Variants in MROH1 observed in about 807,000 individuals in gnomAD.
MROH1 encodes the protein maestro heat-like repeat-containing protein family member 1.
Under a neutral mutation model 116.5 loss-of-function variants are expected in MROH1, and 117 were observed. The ratio of observed to expected loss-of-function variants is 1.00; its 90% CI spans 0.86 to 1.17. The LOEUF (loss-of-function observed/expected upper bound fraction) is 1.17, where lower values mean the gene tolerates loss of function less well. MROH1 is among the 50% of genes most tolerant of loss of function. The probability of loss-of-function intolerance (pLI) is 0.00; values close to 1 mark genes in which losing one functional copy is unlikely to be tolerated. For missense variants in MROH1, 1,873 were observed against 1,338.5 expected, an observed-to-expected ratio of 1.40 and a Z score of -6.23; for synonymous variants, 921 against 583.9, an observed-to-expected ratio of 1.58 and a Z score of -8.32.
intron 11 of MROH1, among the ~76,000 whole-genome samples, chr8:144,199,828 G>A (rs544048315): frequency 1.3e-5 from 2 of 152,306 alleles, no homozygotes; most frequent in South Asian, 2.1e-4. Context: ...CACAAGATCC[G>A]CAGGAGGGGT....
intron 32 of MROH1, 69 bp downstream of exon 32, chr8:144,249,098 G>A: frequency 1.4e-6 from 1 of 704,788 alleles, no homozygotes. Flanking sequence ...GACGGGCAGG[G>A]CAGGAGTGGG....
chr8:144,177,553 G>A (rs1342941313), intron 4 of MROH1, among the ~76,000 whole-genome samples: 4 of 152,162 alleles, frequency 2.6e-5, no homozygotes, highest in Non-Finnish European at 5.9e-5. Flanking sequence ...CTGCCGTGGC[G>A]GCCATAGCTG....
intron 12 of MROH1, among the ~76,000 whole-genome samples, chr8:144,206,905 C>T (rs911021725): frequency 3.0e-4 from 46 of 151,260 alleles, no homozygotes; most frequent in Non-Finnish European, 5.9e-5. Context: ...TGGTGGCACA[C>T]GCCTGTAGTT....
intron 4 of MROH1, among the ~76,000 whole-genome samples, chr8:144,177,385 C>A (rs1001758797): frequency 1.3e-5 from 2 of 152,200 alleles, no homozygotes; most frequent in Non-Finnish European, 2.9e-5. Flanking sequence ...GTGTCAACTT[C>A]AAATAGTTTC....
intron 1 of MROH1, among the ~76,000 whole-genome samples, chr8:144,154,378 T>G (rs1336875459): frequency 6.6e-6 from 1 of 152,176 alleles, no homozygotes; most frequent in Non-Finnish European, 1.5e-5. Context: ...GTCATGGCTT[T>G]CTTCTGCTTC....
chr8:144,234,498 G>GGTTTTTTTTTTTTTTTTTTTT (rs1839618125), intron 14 of MROH1, among the ~76,000 whole-genome samples: 1 of 18,090 alleles, frequency 5.5e-5, no homozygotes, highest in Admixed American at 8.2e-4. Flanking sequence ...TTTCTTTTTC[G>GGTTTTTTTTTTTTTTTTTTTT]TTTTTTTTTT....
At chr8:144,232,167 T>C (rs1554823090) in intron 14 of MROH1, among the ~76,000 whole-genome samples, 1 of 152,156 alleles carries the variant, frequency 6.6e-6, no homozygotes, top group African/African-American at 2.4e-5. Context: ...AATATATATT[T>C]GTACCCATTA....
At chr8:144,156,305 C>T (rs907129430) in intron 1 of MROH1, among the ~76,000 whole-genome samples, 17 of 151,158 alleles carry the variant, frequency 1.1e-4, no homozygotes, top group Non-Finnish European at 2.4e-4. Flanking sequence ...AGGTAGTTCC[C>T]TTCTCTTCTT....
At chr8:144,206,586 CTA>C in intron 12 of MROH1, among the ~76,000 whole-genome samples, 1 of 151,752 alleles carries the variant, frequency 6.6e-6, no homozygotes, top group Non-Finnish European at 1.5e-5. Context: ...CCACACCCGG[CTA>C]ATTTTTGTAT....
At chr8:144,184,910 C>T (rs1193833296) in intron 7 of MROH1, among the ~76,000 whole-genome samples, 5 of 152,160 alleles carry the variant, frequency 3.3e-5, no homozygotes, top group Admixed American at 6.5e-5. Flanking sequence ...GGCAGAAGGA[C>T]GCTATGGGGC....
intron 4 of MROH1, chr8:144,175,348 T>TC (rs879836342): frequency 5.4e-5 from 17 of 315,466 alleles, no homozygotes; most frequent in South Asian, 1.3e-4. Flanking sequence ...GAGCTGCCCC[T>TC]CCCCCCCTCC....
In MROH1 at chr8:144,239,437, G is replaced by A. The variant is rs910883438; in HGVS notation, c.1632+74G>A. 98 of 778,968 alleles carry A rather than the reference G, an allele frequency of 1.3e-4. No homozygotes were observed. In the African/African-American group the frequency reaches 1.4e-3, roughly 11 times the overall value. 48.3% of individuals were successfully genotyped at this position (778,968 alleles called of 1,614,324 possible). A position where few individuals can be genotyped will look rare whatever the true frequency, so the allele number is the denominator to read the frequency against. On this transcript the variant is annotated intron_variant, in intron 17 of 43. Coordinates refer to ENST00000326134, the MANE Select transcript of MROH1 (RefSeq NM_032450.3). ...TGTGCTCCACCCAGGCTTGGAAGGG[G>A]TTACCTTCTCAGTGGGCAGCCGCGG...
At chr8:144,166,132 G>A (rs1313341448) in intron 3 of MROH1, among the ~76,000 whole-genome samples, 1 of 152,088 alleles carries the variant, frequency 6.6e-6, no homozygotes. Flanking sequence ...ACCCACCTTG[G>A]TCTCCCAAAG....
chr8:144,254,726 G>C (rs1843397115), intron 33 of MROH1, 87 bp from the exon 34 acceptor site: 5 of 678,504 alleles, frequency 7.4e-6, no homozygotes, highest in South Asian at 6.5e-5. Flanking sequence ...TGAGCGTCGT[G>C]GAGCCAGGGT....
intron 1 of MROH1, among the ~76,000 whole-genome samples, chr8:144,157,682 T>C (rs1259134701): frequency 3.4e-5 from 5 of 147,204 alleles, no homozygotes; most frequent in African/African-American, 1.2e-4. Flanking sequence ...TCTTTCTTTT[T>C]TTTTTTTTTT....
intron 14 of MROH1, among the ~76,000 whole-genome samples, chr8:144,238,166 GT>G (rs1323261757): frequency 0.018 from 2,570 of 138,966 alleles, 39 homozygotes; most frequent in African/African-American, 0.055. Context: ...AAATATCACT[GT>G]TTTTTTTTTT....
intron 14 of MROH1, among the ~76,000 whole-genome samples, chr8:144,236,367 C>T (rs1405236029): frequency 2.0e-5 from 3 of 151,766 alleles, no homozygotes; most frequent in African/African-American, 4.9e-5. Flanking sequence ...TGGAAAGTTG[C>T]TGTTTCTGCC....
intron 1 of MROH1, chr8:144,148,650 G>T (rs1426634967): frequency 6.5e-6 from 1 of 152,714 alleles, no homozygotes; most frequent in Non-Finnish European, 1.5e-5. Flanking sequence ...GAGGATGACT[G>T]GTCATAGCGT....
At chr8:144,194,008 T>C (rs1481108757) in intron 10 of MROH1, among the ~76,000 whole-genome samples, 4 of 152,120 alleles carry the variant, frequency 2.6e-5, no homozygotes, top group South Asian at 4.1e-4. Flanking sequence ...ATCACAGTAA[T>C]AGACTAAAGA....
Sources: allele counts gnomAD v4.1 joint callset (sites outside exome capture counted in the v4.1 genomes callset), GRCh38; gene constraint gnomAD v4.1.1; transcripts MANE v1.5; gene names NCBI Gene and HGNC (gene_info 2026-07-23, HGNC 2026-07-21).